The following USP9X variants were observed in gnomAD, a reference collection of about 807,000 sequenced individuals.
USP9X encodes ubiquitin specific peptidase 9 X-linked, also known as ubiquitin carboxyl-terminal hydrolase 9X.
USP9X carries 7 observed loss-of-function variants against 190.3 expected under a neutral mutation model. The ratio of observed to expected loss-of-function variants is 0.04; its 90% confidence interval spans 0.02 to 0.07. The LOEUF (loss-of-function observed/expected upper bound fraction) is 0.07, where lower values mean the gene tolerates loss of function less well. Ranked by LOEUF, USP9X falls within the 10% of genes least tolerant of loss-of-function variation. The pLI is 1.00. For missense variants in USP9X, 1,010 were observed against 1,916.9 expected, an observed-to-expected ratio of 0.53 and a Z score of 8.83; for synonymous variants, 645 against 659.5, an observed-to-expected ratio of 0.98 and a Z score of 0.34.
intron 39 of USP9X, among the ~76,000 whole-genome samples, chrX:41,224,362 T>C (rs2063293631): frequency 9.0e-6 from 1 of 111,082 alleles, no homozygotes; most frequent in Admixed American, 9.6e-5. Flanking sequence ...TGGCCAGACA[T>C]AGTGGCTCAT....
Position 41,205,887 on chromosome X carries a change from C to CTTTTTTT in USP9X, c.5015+395_5015+401dup, listed in dbSNP as rs751427663. ...TTTTTCTTTTTTTCTTTTTCTTTTT[C>CTTTTTTT]TTTTTTTCTTTTTTTTTTTTGAGAT... On this transcript the variant is annotated intron_variant, in intron 32 of 44. Coordinates refer to ENST00000378308, the MANE Select transcript of USP9X (RefSeq NM_001039591.3). Among the ~76,000 whole-genome samples the CTTTTTTT allele has an allele frequency of 1.0e-3, 87 of 87,112 alleles. 1 individual carries two copies. The highest frequency in any genetic ancestry group is 1.3e-3 in the African/African-American group (32 of 24,504). The allele number at this position is 87,112 out of a possible 115,157, so 75.6% of individuals were successfully genotyped here. A position where few individuals can be genotyped will look rare whatever the true frequency, so the allele number is the denominator to read the frequency against.
At chrX:41,217,799 A>AG (rs1344497042) in intron 36 of USP9X, among the ~76,000 whole-genome samples, 1 of 111,429 alleles carries the variant, frequency 9.0e-6, no homozygotes, top group Non-Finnish European at 1.9e-5. Context: ...CTGAGGTGGG[A>AG]GGATCGCTGG....
At chrX:41,192,971 G>A (rs923772885) in intron 26 of USP9X, among the ~76,000 whole-genome samples, 5 of 111,627 alleles carry the variant, frequency 4.5e-5, no homozygotes, top group African/African-American at 1.3e-4. Context: ...TTGTTTAGAG[G>A]TCACCTTTTA....
At chrX:41,148,989 TCA>T (rs1357853371) in intron 12 of USP9X, among the ~76,000 whole-genome samples, 7 of 112,131 alleles carry the variant, frequency 6.2e-5, no homozygotes, top group African/African-American at 1.3e-4. Flanking sequence ...AGTGAGCAAA[TCA>T]CACAGTTTCC....
At chrX:41,198,898 C>T (rs1410827756) in intron 30 of USP9X, 148 bp downstream of exon 30, 1 of 581,138 alleles carries the variant, frequency 1.7e-6, no homozygotes, top group East Asian at 3.8e-5. Context: ...CAGTTAAGAC[C>T]ATTATAGGCC....
At chrX:41,115,116 GAGGCTA>G (rs1003961288) in intron 1 of USP9X, among the ~76,000 whole-genome samples, 1 of 107,736 alleles carries the variant, frequency 9.3e-6, no homozygotes, top group Non-Finnish European at 1.9e-5. Context: ...AGCTGCTTGG[GAGGCTA>G]AGGCAGGAGA....
At chrX:41,169,266 C>T (rs938073868) in intron 18 of USP9X, among the ~76,000 whole-genome samples, 3 of 110,052 alleles carry the variant, frequency 2.7e-5, no homozygotes, top group Non-Finnish European at 1.9e-5. Context: ...TGAGCCACTG[C>T]GTCCAGCCAA....
At chrX:41,230,375 G>C in intron 43 of USP9X, 126 bp from the exon 44 acceptor site, 1 of 414,741 alleles carries the variant, frequency 2.4e-6, no homozygotes. Context: ...TTCTTTATCT[G>C]CAGTAAAAGA....
chrX:41,222,897 C>T (rs185369451), intron 38 of USP9X, among the ~76,000 whole-genome samples: 1 of 111,270 alleles, frequency 9.0e-6, no homozygotes, highest in African/African-American at 3.3e-5. Flanking sequence ...GGCGAGAGAG[C>T]GAGACTGTCT....
intron 21 of USP9X, among the ~76,000 whole-genome samples, chrX:41,176,557 C>T (rs1401953619): frequency 8.9e-6 from 1 of 111,733 alleles, no homozygotes; most frequent in Non-Finnish European, 1.9e-5. Flanking sequence ...CTGCCAAGGT[C>T]CATGAAAGTC....
At chrX:41,136,335 A>G (rs1191828962) in intron 5 of USP9X, among the ~76,000 whole-genome samples, 2 of 110,398 alleles carry the variant, frequency 1.8e-5, no homozygotes, top group African/African-American at 6.6e-5. Flanking sequence ...TAATTTTTGT[A>G]TTTTTAGTAG....
rs1300348680 is a variant in USP9X at position 41,167,535 on chromosome X, A to G, written c.2382A>G (p.Lys794=). 1 of 1,207,647 alleles carries G rather than the reference A, an allele frequency of 8.3e-7. No individual in the cohort carries two copies. The highest frequency in any genetic ancestry group is 1.1e-6 in the Non-Finnish European group (1 of 892,876). The change falls in exon 17 of 45, where the codon AAA becomes AAG. Residue 794 remains lysine, a synonymous_variant. Transcript: ENST00000378308. ...DIASRAIDLL[K]EIYTNLGPRL... ...CCAGCAGAGCTATAGATCTCCTCAA[A>G]GAGATATACACGAACCTTGGTCCAA...
chrX:41,085,683 C>T lies in USP9X; in HGVS notation c.-585C>T. 1 of 295,987 alleles carries T rather than the reference C, an allele frequency of 3.4e-6. No homozygotes were observed. Among genetic ancestry groups the T allele is most frequent in the East Asian group, 4.8e-5 (1 of 20,912 alleles). The allele number at this position is 295,987 out of a possible 1,213,427, so 24.4% of individuals were successfully genotyped here. A position where few individuals can be genotyped will look rare whatever the true frequency, so the allele number is the denominator to read the frequency against. On this transcript the variant is annotated 5_prime_UTR_variant, in exon 1 of 45. Coordinates refer to ENST00000378308, the MANE Select transcript of USP9X (RefSeq NM_001039591.3). Reference sequence around the variant, plus strand: ...TTGGGTCGGCGCCGGGAGCGAGGAGCGAGCTACTTCAAAGCCACCAGGCCT... The same window carrying T: ...TTGGGTCGGCGCCGGGAGCGAGGAGTGAGCTACTTCAAAGCCACCAGGCCT...
intron 24 of USP9X, among the ~76,000 whole-genome samples, chrX:41,187,680 G>A (rs1298004277): frequency 1.8e-5 from 2 of 111,857 alleles, no homozygotes; most frequent in Non-Finnish European, 1.9e-5. Flanking sequence ...AATAAGCCAG[G>A]TGCAGTGGCA....
intron 21 of USP9X, among the ~76,000 whole-genome samples, chrX:41,180,618 T>C (rs901763498): frequency 2.7e-5 from 3 of 112,372 alleles, no homozygotes; most frequent in African/African-American, 9.7e-5. Flanking sequence ...AACATAAGTT[T>C]CATAGTTTAT....
intron 4 of USP9X, among the ~76,000 whole-genome samples, chrX:41,132,171 G>C (rs2062324902): frequency 9.0e-6 from 1 of 110,672 alleles, no homozygotes; most frequent in South Asian, 3.8e-4. Context: ...GTCTTGCTTT[G>C]TCACCCAGGC....
chrX:41,233,874 AAAAAC>A lies in USP9X; in HGVS notation c.*1351_*1355del, dbSNP rs1303709359. The A allele has an allele frequency of 8.9e-6, 1 of 112,096 alleles. No homozygotes were observed. 9.2% of individuals were successfully genotyped at this position (112,096 alleles called of 1,213,427 possible). On this transcript the variant is annotated 3_prime_UTR_variant, in exon 45 of 45. Coordinates refer to ENST00000378308, the MANE Select transcript of USP9X (RefSeq NM_001039591.3). Reference sequence around the variant, plus strand: ...GTGTGTAATTTTTTGGAACCTGTCTAAAAACCAAATACCCCTGCAAACAGATACAG... The same window carrying A: ...GTGTGTAATTTTTTGGAACCTGTCTACAAATACCCCTGCAAACAGATACAG...
At chrX:41,125,957 G>C (rs2062246893) in intron 2 of USP9X, among the ~76,000 whole-genome samples, 1 of 111,374 alleles carries the variant, frequency 9.0e-6, no homozygotes, top group Admixed American at 9.5e-5. Flanking sequence ...GTTGAGGTGT[G>C]TGTAAATGAT....
Position 41,170,182 on chromosome X carries a change from G to T in USP9X, c.2824G>T (p.Asp942Tyr). 1 of 1,211,406 alleles carries T rather than the reference G, an allele frequency of 8.3e-7. No homozygotes were observed. The highest frequency in any genetic ancestry group is 1.1e-6 in the Non-Finnish European group (1 of 895,164). The change falls in exon 19 of 45, where the codon GAT becomes TAT. Residue 942 changes from aspartate to tyrosine, a missense_variant. Physicochemically the swap from Asp to Tyr is radical, Grantham distance 160. This residue lies in a region of USP9X where 351 missense variants were observed against 480.8 expected (regional missense o/e 0.73). Transcript: ENST00000378308. The stretch of plus-strand genomic sequence containing the variant: ...GCTCTTTGTGGGCGGTGAGCTGATA[G>T]ATCCTGCAGATGATAGAAAGTTGAT... ...IELFVGGELIDPADDRKLIGQ... is the reference protein window; with the variant it reads ...IELFVGGELIYPADDRKLIGQ...
Sources: allele counts gnomAD v4.1 joint callset (sites outside exome capture counted in the v4.1 genomes callset), GRCh38; gene constraint gnomAD v4.1.1; regional missense constraint gnomAD v4.1.1; transcripts MANE v1.5; gene names NCBI Gene and HGNC (gene_info 2026-07-23, HGNC 2026-07-21).